LSAMP: variants seen among roughly 807,000 people sequenced by gnomAD.
The protein encoded by LSAMP is limbic system-associated membrane protein.
LSAMP carries 7 observed loss-of-function variants against 38.6 expected under a neutral mutation model. That is an observed-to-expected ratio of 0.18 (90% confidence interval 0.10 to 0.34). The LOEUF is 0.34. Among genes scored for constraint, LSAMP ranks in the 10% least tolerant of loss-of-function variants. LSAMP has a pLI of 1.00. For synonymous variants in LSAMP, 154 were observed against 166.8 expected (o/e 0.92, Z 0.59); for missense variants, 313 against 420.0 (o/e 0.75, Z 2.23).
At chr3:116,347,049 A>C (rs554737550) in intron 1 of LSAMP, among the ~76,000 whole-genome samples, 60 of 152,334 alleles carry the variant, frequency 3.9e-4, no homozygotes, top group African/African-American at 1.3e-3. Context: ...TAATACAGAA[A>C]ACCAACTATA....
intron 2 of LSAMP, among the ~76,000 whole-genome samples, chr3:116,027,544 G>A (rs113912524): frequency 0.022 from 3,407 of 152,246 alleles, 48 homozygotes; most frequent in Non-Finnish European, 0.033. Context: ...GCAAAGTAAG[G>A]ATTAGCCATA....
chr3:115,910,514 A>C (rs905001120), intron 3 of LSAMP, among the ~76,000 whole-genome samples: 1 of 152,182 alleles, frequency 6.6e-6, no homozygotes, highest in Non-Finnish European at 1.5e-5. Flanking sequence ...ATGCAGTTTT[A>C]AGAAATAATA....
At chr3:116,269,815 A>C (rs1037384691) in intron 1 of LSAMP, among the ~76,000 whole-genome samples, 1 of 152,158 alleles carries the variant, frequency 6.6e-6, no homozygotes, top group Non-Finnish European at 1.5e-5. Flanking sequence ...ATTTGTGCTT[A>C]TGTACACACA....
At chr3:116,162,330 C>T (rs1709907585) in intron 1 of LSAMP, among the ~76,000 whole-genome samples, 4 of 152,034 alleles carry the variant, frequency 2.6e-5, no homozygotes. Flanking sequence ...TCACCTTGTT[C>T]CTGGGAGAAA....
At position 115,841,909 on chromosome 3, in the gene LSAMP, G is replaced by A. The variant is rs77324823; in HGVS notation, c.855C>T (p.Tyr285=). ...TGGCAGCCACACAGGTGTAGTTGCC[G>A]TAGTGCTCCTCAGTGACGTTGGTCA... is the stretch of plus-strand genomic sequence containing the variant. The part of the protein sequence containing the change: ...LTVTNVTEEH[Y]GNYTCVAANK... The change falls in exon 6 of 7, where the codon TAC becomes TAT. Residue 285 remains tyrosine, a synonymous_variant. Coordinates refer to ENST00000490035, the MANE Select transcript of LSAMP (RefSeq NM_002338.5). The A allele has an allele frequency of 5.1e-4, 817 of 1,614,044 alleles. 4 individuals carry two copies. In the African/African-American group the frequency reaches 9.4e-3, roughly 18 times the overall value.
chr3:116,295,749 T>G (rs761429070), intron 1 of LSAMP, among the ~76,000 whole-genome samples: 6 of 152,190 alleles, frequency 3.9e-5, no homozygotes, highest in Non-Finnish European at 8.8e-5. Context: ...GTATTATGTA[T>G]TGACCCTCCA....
At chr3:116,274,603 C>T (rs573239621) in intron 1 of LSAMP, among the ~76,000 whole-genome samples, 1 of 152,240 alleles carries the variant, frequency 6.6e-6, no homozygotes, top group African/African-American at 2.4e-5. Flanking sequence ...TCTCATCCCT[C>T]CACCTACTTA....
chr3:115,987,363 CAT>C (rs1471374205), intron 3 of LSAMP, among the ~76,000 whole-genome samples: 1 of 152,050 alleles, frequency 6.6e-6, no homozygotes, highest in Non-Finnish European at 1.5e-5. Flanking sequence ...CCTTGGAGGC[CAT>C]GTTTTTCCAA....
chr3:116,058,796 A>G (rs1156556906), intron 2 of LSAMP, among the ~76,000 whole-genome samples: 4 of 152,232 alleles, frequency 2.6e-5, no homozygotes, highest in African/African-American at 9.6e-5. Context: ...TATCATTGGG[A>G]CATAAATGTT....
chr3:116,141,120 T>C (rs1709359663), intron 1 of LSAMP, among the ~76,000 whole-genome samples: 1 of 151,996 alleles, frequency 6.6e-6, no homozygotes, highest in Non-Finnish European at 1.5e-5. Flanking sequence ...ATGTCTCATC[T>C]GCATTGACTG....
At chr3:116,038,007 A>G (rs9824605) in intron 2 of LSAMP, among the ~76,000 whole-genome samples, 33,980 of 151,950 alleles carry the variant, frequency 0.22, 4,832 homozygotes, top group African/African-American at 0.41. Flanking sequence ...AATAAAAGAT[A>G]TGAGTGTGAT....
intron 3 of LSAMP, among the ~76,000 whole-genome samples, chr3:115,885,245 G>A (rs1305357466): frequency 6.6e-6 from 1 of 151,960 alleles, no homozygotes; most frequent in African/African-American, 2.4e-5. Flanking sequence ...GTCCTTCAGT[G>A]TTTCATTCCT....
chr3:116,399,118 A>C (rs1260401694), intron 1 of LSAMP, among the ~76,000 whole-genome samples: 1 of 152,252 alleles, frequency 6.6e-6, no homozygotes, highest in Non-Finnish European at 1.5e-5. Context: ...AAGTAGGCAG[A>C]AAATGATTTA....
At chr3:115,818,790 T>TTATTTATATATATATATATATATA (rs1934118473) in intron 6 of LSAMP, among the ~76,000 whole-genome samples, 2 of 69,786 alleles carry the variant, frequency 2.9e-5, no homozygotes, top group Non-Finnish European at 3.0e-5. Flanking sequence ...AGTTGTACTT[T>TTATTTATATATATATATATATATA]TATATATATA....
intron 1 of LSAMP, among the ~76,000 whole-genome samples, chr3:116,394,312 T>G (rs1397451321): frequency 2.0e-5 from 3 of 152,216 alleles, no homozygotes; most frequent in African/African-American, 7.2e-5. Flanking sequence ...GTTTTTGATA[T>G]AGATATGTAA....
At chr3:115,948,500 T>C (rs537046023) in intron 3 of LSAMP, among the ~76,000 whole-genome samples, 13 of 152,220 alleles carry the variant, frequency 8.5e-5, no homozygotes, top group African/African-American at 2.9e-4. Context: ...TAGAAATATA[T>C]GGAAATTAAA....
At chr3:116,113,868 AAG>A (rs1392912888) in intron 1 of LSAMP, among the ~76,000 whole-genome samples, 1 of 152,162 alleles carries the variant, frequency 6.6e-6, no homozygotes, top group Non-Finnish European at 1.5e-5. Flanking sequence ...TTTTTCTGAA[AAG>A]AGTGGATCAA....
At chr3:116,393,592 G>T (rs1467402373) in intron 1 of LSAMP, among the ~76,000 whole-genome samples, 2 of 152,180 alleles carry the variant, frequency 1.3e-5, no homozygotes, top group African/African-American at 4.8e-5. Flanking sequence ...AATGAGCCCA[G>T]CAGGCCCGAA....
intron 3 of LSAMP, among the ~76,000 whole-genome samples, chr3:115,888,027 T>C (rs1936500826): frequency 6.6e-6 from 1 of 152,002 alleles, no homozygotes; most frequent in African/African-American, 2.4e-5. Context: ...AGTACAGTGA[T>C]ACCTCATCTT....
Sources: allele counts gnomAD v4.1 joint callset (sites outside exome capture counted in the v4.1 genomes callset), GRCh38; gene constraint gnomAD v4.1.1; transcripts MANE v1.5; gene names NCBI Gene and HGNC (gene_info 2026-07-23, HGNC 2026-07-21).